ASXL2: variants seen among roughly 807,000 people sequenced by gnomAD.
The protein encoded by ASXL2 is putative Polycomb group protein ASXL2.
In ASXL2, 23 loss-of-function variants were observed where a neutral mutation model predicts 122.0. That is an observed-to-expected ratio of 0.19 (90% CI 0.14 to 0.27). The LOEUF (loss-of-function observed/expected upper bound fraction) is 0.27, where lower values mean the gene tolerates loss of function less well. Ranked by LOEUF, ASXL2 falls within the 10% of genes least tolerant of loss-of-function variation. The probability of loss-of-function intolerance (pLI) is 1.00; values close to 1 mark genes in which losing one functional copy is unlikely to be tolerated. For synonymous variants in ASXL2, 650 were observed against 637.0 expected (o/e 1.02, Z -0.31); for missense variants, 1,518 against 1,713.8 (o/e 0.89, Z 2.02).
chr2:25,808,023 T>TTAGGCACACACACACACACA (rs2089109938), intron 3 of ASXL2, among the ~76,000 whole-genome samples: 1 of 115,718 alleles, frequency 8.6e-6, no homozygotes, highest in African/African-American at 3.9e-5. Context: ...ACACACACAC[T>TTAGGCACACACACACACACA]CTCCACCCCA....
intron 3 of ASXL2, among the ~76,000 whole-genome samples, chr2:25,807,091 C>A (rs1307373989): frequency 3.3e-5 from 5 of 152,036 alleles, no homozygotes; most frequent in Non-Finnish European, 7.4e-5. Flanking sequence ...AGGTAGCAAG[C>A]AAACACATAG....
chr2:25,810,640 G>T, intron 3 of ASXL2: 2 of 788,742 alleles, frequency 2.5e-6, no homozygotes, highest in Non-Finnish European at 4.3e-6. Flanking sequence ...TGCCTCAATA[G>T]TGGTGATCCC....
intron 3 of ASXL2, among the ~76,000 whole-genome samples, chr2:25,830,460 C>T (rs1318010110): frequency 1.3e-5 from 2 of 151,754 alleles, no homozygotes; most frequent in African/African-American, 4.8e-5. Flanking sequence ...GGTGAAACCC[C>T]GTCTCTAGTA....
intron 10 of ASXL2, among the ~76,000 whole-genome samples, chr2:25,754,635 T>C (rs1342965870): frequency 1.3e-5 from 2 of 151,854 alleles, no homozygotes; most frequent in African/African-American, 2.4e-5. Flanking sequence ...GTTCATAAAA[T>C]ATGATCACAT....
chr2:25,849,064 C>CATATATATATATATATATATAT (rs139200567), intron 1 of ASXL2, among the ~76,000 whole-genome samples: 3,095 of 86,052 alleles, frequency 0.036, 297 homozygotes, highest in Non-Finnish European at 0.04. Context: ...AAAAAATTTA[C>CATATATATATATATATATATAT]ATATATATAT....
rs1034696862 is a variant in ASXL2 at position 25,736,454 on chromosome 2, T to A, written c.*5575A>T. On this transcript the variant is annotated 3_prime_UTR_variant, in exon 13 of 13. Transcript: ENST00000435504. The stretch of plus-strand genomic sequence containing the variant: ...ATATTTTACCTTCATTCTTATTATA[T>A]ATGGAAATTATGAAGATGCTAATGT... The A allele has an allele frequency of 1.3e-5, 2 of 151,812 alleles. No individual in the cohort carries two copies. Among genetic ancestry groups the A allele is most frequent in the African/African-American group, 2.4e-5 (1 of 41,350 alleles). The allele number at this position is 151,812 out of a possible 1,614,324, so 9.4% of individuals were successfully genotyped here.
rs147083244 is a variant in ASXL2, at chr2:25,839,558, G to T, written c.141-4018C>A. Among the ~76,000 whole-genome samples the T allele has an allele frequency of 9.3e-4, 140 of 150,042 alleles. 1 individual carries two copies. The highest frequency in any genetic ancestry group is 3.3e-3 in the African/African-American group (136 of 40,930). On this transcript the variant is annotated intron_variant, in intron 2 of 12. Transcript: ENST00000435504. ...TAAGTCATGTCCTCCCATTTCACCT[G>T]AAACATCCAAACTTCTGTCTTTTTT...
chr2:25,878,132 CT>C, intron 1 of ASXL2, 33 bp downstream of exon 1: 3 of 1,613,080 alleles, frequency 1.9e-6, no homozygotes, highest in Non-Finnish European at 2.5e-6. Flanking sequence ...GAACAAAATC[CT>C]CCCGGCCTTC....
chr2:25,799,157 C>T (rs932608969), intron 5 of ASXL2, among the ~76,000 whole-genome samples: 5 of 152,136 alleles, frequency 3.3e-5, no homozygotes, highest in Non-Finnish European at 5.9e-5. Context: ...GTCATAATAA[C>T]CATATTTCAA....
intron 2 of ASXL2, among the ~76,000 whole-genome samples, chr2:25,839,977 C>T (rs1460696234): frequency 3.3e-5 from 5 of 150,664 alleles, no homozygotes; most frequent in South Asian, 4.2e-4. Flanking sequence ...GTAATCCTCT[C>T]GTCTCAGCTT....
chr2:25,845,825 A>G (rs2089642311), intron 1 of ASXL2, among the ~76,000 whole-genome samples: 1 of 152,198 alleles, frequency 6.6e-6, no homozygotes, highest in Admixed American at 6.5e-5. Context: ...TAAATTCTTA[A>G]CCAAAACAAG....
intron 8 of ASXL2, among the ~76,000 whole-genome samples, chr2:25,762,619 C>T (rs1373885321): frequency 2.9e-5 from 4 of 136,934 alleles, no homozygotes; most frequent in African/African-American, 8.2e-5. Context: ...GACCCGAGAT[C>T]GCACCACTGT....
chr2:25,877,316 CTTTTAATTTTTTCTTCTTAAA>C (rs980388303), intron 1 of ASXL2, among the ~76,000 whole-genome samples: 1 of 152,166 alleles, frequency 6.6e-6, no homozygotes, highest in Non-Finnish European at 1.5e-5. Context: ...ATACAACATG[CTTTTAATTTTTTCTTCTTAAA>C]ATATGGTAAA....
chr2:25,803,991 T>G (rs931664888), intron 4 of ASXL2, among the ~76,000 whole-genome samples: 2 of 152,158 alleles, frequency 1.3e-5, no homozygotes, highest in African/African-American at 2.4e-5. Flanking sequence ...TTGGTTTTTT[T>G]TTCCCCCCAA....
intron 1 of ASXL2, among the ~76,000 whole-genome samples, chr2:25,876,191 G>A (rs2090008334): frequency 1.3e-5 from 2 of 152,046 alleles, no homozygotes. Flanking sequence ...CTAATATACT[G>A]GTACCCTCAG....
At chr2:25,769,336 T>G (rs200587586) in intron 6 of ASXL2, among the ~76,000 whole-genome samples, 1 of 152,206 alleles carries the variant, frequency 6.6e-6, no homozygotes, top group Non-Finnish European at 1.5e-5. Flanking sequence ...ATATTCAGTT[T>G]ACGCAGGCTT....
intron 1 of ASXL2, among the ~76,000 whole-genome samples, chr2:25,866,759 G>T (rs2089908381): frequency 6.6e-6 from 1 of 152,090 alleles, no homozygotes; most frequent in Non-Finnish European, 1.5e-5. Context: ...CTGAGATAGA[G>T]TCTTGCTCTG....
intron 1 of ASXL2, among the ~76,000 whole-genome samples, chr2:25,858,462 C>T (rs1262806536): frequency 2.6e-5 from 4 of 151,624 alleles, no homozygotes; most frequent in South Asian, 2.1e-4. Flanking sequence ...CAATGGCTCA[C>T]GCCTGTAATC....
rs1385428267 is a variant in ASXL2, at chr2:25,842,834, T to C, written c.140+2647A>G. ...TATGTTTTTTTTGTTTGTTTGTTTG[T>C]TTTTTGAGACAGAGTCTCGCTCTGT... On this transcript the variant is annotated intron_variant, in intron 2 of 12. Coordinates refer to ENST00000435504, the MANE Select transcript of ASXL2 (RefSeq NM_018263.6). Among the ~76,000 whole-genome samples, 6 of 151,642 alleles carry C rather than the reference T, an allele frequency of 4.0e-5. No homozygotes were observed. In the East Asian group the frequency reaches 1.2e-3, roughly 30 times the overall value.
Sources: allele counts gnomAD v4.1 joint callset (sites outside exome capture counted in the v4.1 genomes callset), GRCh38; gene constraint gnomAD v4.1.1; transcripts MANE v1.5; gene names NCBI Gene and HGNC (gene_info 2026-07-23, HGNC 2026-07-21).